Variants in KCNIP4 observed in about 807,000 individuals in gnomAD.
KCNIP4 encodes potassium voltage-gated channel interacting protein 4, also known as Kv channel-interacting protein 4.
A neutral mutation model predicts 34.0 loss-of-function variants in KCNIP4; 12 were observed. The ratio of observed to expected loss-of-function variants is 0.35; its 90% CI spans 0.23 to 0.57. The LOEUF (loss-of-function observed/expected upper bound fraction) is 0.57. KCNIP4 is among the 20% of genes least tolerant of loss of function. The probability of loss-of-function intolerance (pLI) is 0.83; values close to 1 mark genes in which losing one functional copy is unlikely to be tolerated. For missense variants in KCNIP4, 238 were observed against 311.7 expected (o/e 0.76, Z 1.78); for synonymous variants, 124 against 102.2 (o/e 1.21, Z -1.29).
At chr4:21,042,091 G>T (rs1056415107) in intron 1 of KCNIP4, among the ~76,000 whole-genome samples, 3 of 152,192 alleles carry the variant, frequency 2.0e-5, no homozygotes, top group African/African-American at 7.2e-5. Flanking sequence ...GATTGATCTA[G>T]GTCTCAGTTT....
chr4:21,166,518 A>G (rs1016685266), intron 1 of KCNIP4, among the ~76,000 whole-genome samples: 3 of 152,202 alleles, frequency 2.0e-5, no homozygotes, highest in Non-Finnish European at 4.4e-5. Flanking sequence ...TGACCCATTT[A>G]TCTTACTCCT....
At chr4:21,791,373 AC>A (rs1230984376) in intron 1 of KCNIP4, among the ~76,000 whole-genome samples, 3 of 152,180 alleles carry the variant, frequency 2.0e-5, no homozygotes, top group African/African-American at 7.2e-5. Context: ...TAGGATTTCA[AC>A]ACAGGAATTG....
At chr4:20,748,037 G>A (rs1472332054) in intron 5 of KCNIP4, among the ~76,000 whole-genome samples, 1 of 151,942 alleles carries the variant, frequency 6.6e-6, no homozygotes, top group African/African-American at 2.4e-5. Flanking sequence ...GCTTTTATCA[G>A]ACCCTGTCTG....
chr4:21,571,809 C>T (rs1740387301), intron 1 of KCNIP4, among the ~76,000 whole-genome samples: 1 of 152,056 alleles, frequency 6.6e-6, no homozygotes, highest in South Asian at 2.1e-4. Flanking sequence ...CACACAAATG[C>T]AAAATGATTT....
rs142742167 is a variant in KCNIP4 at position 20,766,520 on chromosome 4, C to T, written c.289-7630G>A. Among the ~76,000 whole-genome samples, 139 of 152,254 alleles carry T rather than the reference C, an allele frequency of 9.1e-4. 1 individual carries two copies. The highest frequency in any genetic ancestry group is 7.1e-3 in the Admixed American group (109 of 15,286). On this transcript the variant is annotated intron_variant, in intron 3 of 8. Coordinates refer to ENST00000382152, the MANE Select transcript of KCNIP4 (RefSeq NM_025221.6). ...GATGGAGGTTGCAGTGAGCCGAGAT[C>T]ACGCCACTATACTCCAGCCTGGGTG...
chr4:21,340,358 T>C (rs1450024453), intron 1 of KCNIP4, among the ~76,000 whole-genome samples: 2 of 152,204 alleles, frequency 1.3e-5, no homozygotes, highest in Non-Finnish European at 1.5e-5. Flanking sequence ...AACCAGATTA[T>C]TCCTTCTAAT....
chr4:21,689,448 T>C (rs1168906996), intron 1 of KCNIP4, among the ~76,000 whole-genome samples: 1 of 152,004 alleles, frequency 6.6e-6, no homozygotes, highest in African/African-American at 2.4e-5. Flanking sequence ...GTCATCTAAT[T>C]GGTCTTCCCA....
At chr4:21,372,353 A>AATAGACAGATAG (rs1553871878) in intron 1 of KCNIP4, among the ~76,000 whole-genome samples, 1 of 138,974 alleles carries the variant, frequency 7.2e-6, no homozygotes, top group Non-Finnish European at 1.5e-5. Flanking sequence ...CAGTTTGGTG[A>AATAGACAGATAG]ATAGATAGAT....
At chr4:21,116,685 C>T (rs1445968296) in intron 1 of KCNIP4, among the ~76,000 whole-genome samples, 1 of 152,206 alleles carries the variant, frequency 6.6e-6, no homozygotes, top group Non-Finnish European at 1.5e-5. Context: ...TTGGGCAAAA[C>T]TTTCAGAGTA....
At chr4:21,229,121 T>G (rs1222597107) in intron 1 of KCNIP4, among the ~76,000 whole-genome samples, 1 of 152,194 alleles carries the variant, frequency 6.6e-6, no homozygotes, top group Non-Finnish European at 1.5e-5. Context: ...ACTATAATCA[T>G]GCTTTTTGCC....
At chr4:21,700,553 TTTG>T (rs149637239) in intron 1 of KCNIP4, among the ~76,000 whole-genome samples, 12,748 of 151,932 alleles carry the variant, frequency 0.084, 1,473 homozygotes, top group African/African-American at 0.27. Flanking sequence ...TCACTGTGTT[TTTG>T]TTGTTTTTTT....
chr4:20,825,751 G>A (rs1182014775), intron 3 of KCNIP4, among the ~76,000 whole-genome samples: 1 of 152,172 alleles, frequency 6.6e-6, no homozygotes, highest in African/African-American at 2.4e-5. Context: ...CTCTTCTTAG[G>A]AGAATGCAAA....
intron 1 of KCNIP4, among the ~76,000 whole-genome samples, chr4:21,794,955 C>A (rs561521638): frequency 6.6e-6 from 1 of 152,090 alleles, no homozygotes; most frequent in African/African-American, 2.4e-5. Flanking sequence ...AAGTTCCCTT[C>A]GTCTCTCCAG....
At chr4:21,126,617 C>CAAAAAAAAAAAAAAA (rs71655615) in intron 1 of KCNIP4, among the ~76,000 whole-genome samples, 13 of 82,018 alleles carry the variant, frequency 1.6e-4, no homozygotes, top group African/African-American at 5.1e-4. Context: ...AGAGAAATAG[C>CAAAAAAAAAAAAAAA]AAAAAAAAAA....
chr4:21,498,367 A>C (rs987417814), intron 1 of KCNIP4, among the ~76,000 whole-genome samples: 3 of 151,134 alleles, frequency 2.0e-5, no homozygotes, highest in Admixed American at 1.3e-4. Flanking sequence ...GTGTTTGTAC[A>C]CTCTTTCTGC....
Position 21,354,450 on chromosome 4 carries a change from G to A in KCNIP4, c.62-471741C>T, listed in dbSNP as rs541365321. Among the ~76,000 whole-genome samples, 3 of 152,132 alleles carry A rather than the reference G, an allele frequency of 2.0e-5. No homozygotes were observed. In the East Asian group the frequency reaches 5.8e-4, roughly 29 times the overall value. On this transcript the variant is annotated intron_variant, in intron 1 of 8. Transcript: ENST00000382152. ...ATAGGCTTAAAATAAAGGGATGGAGGAAGACCTACCAAGCAAATAGAAAGC... is the reference window on the plus strand; with the variant it reads ...ATAGGCTTAAAATAAAGGGATGGAGAAAGACCTACCAAGCAAATAGAAAGC...
At chr4:21,655,744 G>A (rs1747870909) in intron 1 of KCNIP4, among the ~76,000 whole-genome samples, 1 of 152,174 alleles carries the variant, frequency 6.6e-6, no homozygotes, top group East Asian at 1.9e-4. Flanking sequence ...ATAAATGCTT[G>A]TTAATTGAAT....
intron 1 of KCNIP4, among the ~76,000 whole-genome samples, chr4:20,907,343 T>A (rs1727871282): frequency 6.6e-6 from 1 of 152,204 alleles, no homozygotes; most frequent in African/African-American, 2.4e-5. Context: ...TTAGAAGCTC[T>A]AACTCTGCTA....
At chr4:21,178,271 G>T (rs1035788057) in intron 1 of KCNIP4, among the ~76,000 whole-genome samples, 2 of 152,192 alleles carry the variant, frequency 1.3e-5, no homozygotes, top group East Asian at 3.9e-4. Context: ...TAGAAAATAT[G>T]CTTGAAAGTC....
Sources: gnomAD v4.1 joint callset for allele counts (sites outside exome capture counted in the v4.1 genomes callset) on GRCh38, gnomAD v4.1.1 for gene constraint, MANE v1.5 for transcripts, NCBI Gene and HGNC (gene_info 2026-07-23, HGNC 2026-07-21) for gene names.